The following GFRA1 variants were observed in gnomAD, a reference collection of about 807,000 sequenced individuals.
GFRA1 encodes GDNF family receptor alpha-1.
A neutral mutation model predicts 51.6 loss-of-function variants in GFRA1; 16 were observed. The ratio of observed to expected loss-of-function variants is 0.31; its 90% CI spans 0.21 to 0.47. The LOEUF (loss-of-function observed/expected upper bound fraction) is 0.47. GFRA1 is among the 20% of genes least tolerant of loss of function. GFRA1 has a pLI of 1.00. For missense variants in GFRA1, 530 were observed against 594.3 expected (o/e 0.89, Z 1.13); for synonymous variants, 270 against 241.3 (o/e 1.12, Z -1.10).
intron 3 of GFRA1, among the ~76,000 whole-genome samples, chr10:116,270,343 G>A (rs756901778): frequency 2.0e-5 from 3 of 152,168 alleles, no homozygotes; most frequent in Non-Finnish European, 4.4e-5. Flanking sequence ...GGTGGGGAGG[G>A]TGAAGATACA....
In GFRA1 at chr10:116,062,118, G is replaced by A. The variant is rs775489932; in HGVS notation, c.*2280C>T. On this transcript the variant is annotated 3_prime_UTR_variant, in exon 11 of 11. Coordinates refer to ENST00000355422, the MANE Select transcript of GFRA1 (RefSeq NM_005264.8). ...AATGAAGGCTGCCCTTGTTAGCGCT[G>A]AAACTCCCATTTCCGCTTTGGTCAT... 1 of 398,558 alleles carries A rather than the reference G, an allele frequency of 2.5e-6. No homozygotes were observed. Among genetic ancestry groups the A allele is most frequent in the Non-Finnish European group, 4.4e-6 (1 of 226,036 alleles). 24.7% of individuals were successfully genotyped at this position (398,558 alleles called of 1,614,324 possible).
chr10:116,166,230 G>A lies in GFRA1; in HGVS notation c.434-40673C>T, dbSNP rs536910462. On this transcript the variant is annotated intron_variant, in intron 5 of 10. Coordinates refer to ENST00000355422, the MANE Select transcript of GFRA1 (RefSeq NM_005264.8). ...GCATTTGGGTTGATCCCATGTCTTTGCTATTGTGGGTAGTGTTGCAATGAA... is the reference window on the plus strand; with the variant it reads ...GCATTTGGGTTGATCCCATGTCTTTACTATTGTGGGTAGTGTTGCAATGAA... Among the ~76,000 whole-genome samples, 26 of 152,320 alleles carry A rather than the reference G, an allele frequency of 1.7e-4. No individual in the cohort carries two copies. The South Asian group carries it at 5.2e-3, about 30-fold the overall frequency.
chr10:116,154,048 C>T (rs931766606), intron 5 of GFRA1, among the ~76,000 whole-genome samples: 26 of 152,168 alleles, frequency 1.7e-4, no homozygotes, highest in African/African-American at 5.8e-4. Flanking sequence ...AGTGAGATAC[C>T]ACTACACACC....
At chr10:116,181,144 C>T (rs1962178192) in intron 5 of GFRA1, among the ~76,000 whole-genome samples, 1 of 152,160 alleles carries the variant, frequency 6.6e-6, no homozygotes, top group South Asian at 2.1e-4. Context: ...TATTCTTATG[C>T]CTATAGGTAT....
chr10:116,086,904 G>A (rs772657244), intron 9 of GFRA1, among the ~76,000 whole-genome samples: 26 of 152,142 alleles, frequency 1.7e-4, no homozygotes, highest in African/African-American at 3.9e-4. Context: ...TGCAACCTCC[G>A]CCTCCAGGGT....
At chr10:116,175,528 G>A (rs952176176) in intron 5 of GFRA1, among the ~76,000 whole-genome samples, 2 of 152,130 alleles carry the variant, frequency 1.3e-5, no homozygotes, top group Non-Finnish European at 2.9e-5. Context: ...TACAATCCTC[G>A]CCTGGGAACC....
Position 116,270,967 on chromosome 10 carries a change from T to G in GFRA1, c.189A>C (p.Ala63=). Residue 63 remains alanine (A), a synonymous_variant, in exon 3 of 11, where the codon GCA becomes GCC. Transcript: ENST00000355422. ...ACTCATCCTTGGCCTCCAGGCCGGA[T>G]GCCAGGCTGAAGTTGGTCTCCTTGC... ...VAGKETNFSL[A]SGLEAKDECR... 2 of 1,614,230 alleles carry G rather than the reference T, an allele frequency of 1.2e-6. No homozygotes were observed. The highest frequency in any genetic ancestry group is 1.7e-5 in the Admixed American group (1 of 60,038).
chr10:116,120,037 T>C (rs1384985014), intron 6 of GFRA1, among the ~76,000 whole-genome samples: 2 of 152,200 alleles, frequency 1.3e-5, no homozygotes, highest in Non-Finnish European at 2.9e-5. Context: ...GCCTCCAAGA[T>C]ACAATGATAG....
intron 5 of GFRA1, among the ~76,000 whole-genome samples, chr10:116,180,604 T>C (rs1166975458): frequency 6.6e-6 from 1 of 152,214 alleles, no homozygotes; most frequent in Non-Finnish European, 1.5e-5. Context: ...CTACAACTAA[T>C]TATCCTATCC....
At chr10:116,122,150 A>T (rs184904301) in intron 6 of GFRA1, among the ~76,000 whole-genome samples, 3 of 152,220 alleles carry the variant, frequency 2.0e-5, no homozygotes, top group East Asian at 3.9e-4. Flanking sequence ...CATCAATCAC[A>T]CTGAGACAAA....
intron 5 of GFRA1, among the ~76,000 whole-genome samples, chr10:116,137,220 G>A (rs1958365682): frequency 6.6e-6 from 1 of 151,978 alleles, no homozygotes; most frequent in Non-Finnish European, 1.5e-5. Flanking sequence ...ATAGAGAGAA[G>A]GAAAAGCATA....
chr10:116,209,512 C>T (rs534401409), intron 5 of GFRA1, among the ~76,000 whole-genome samples: 1 of 152,176 alleles, frequency 6.6e-6, no homozygotes, highest in South Asian at 2.1e-4. Flanking sequence ...ATGCCCATGG[C>T]GTGTCCAGGA....
At chr10:116,221,349 G>A (rs906795459) in intron 4 of GFRA1, among the ~76,000 whole-genome samples, 5 of 152,194 alleles carry the variant, frequency 3.3e-5, no homozygotes, top group African/African-American at 7.2e-5. Context: ...ATTGATAGAC[G>A]TGTGGAAGGA....
At chr10:116,208,373 C>A (rs1428753457) in intron 5 of GFRA1, among the ~76,000 whole-genome samples, 2 of 152,122 alleles carry the variant, frequency 1.3e-5, no homozygotes, top group Non-Finnish European at 2.9e-5. Flanking sequence ...TCCACGAAAA[C>A]AGGACCCTTT....
chr10:116,112,319 G>T (rs2133971576), intron 6 of GFRA1, among the ~76,000 whole-genome samples: 1 of 152,306 alleles, frequency 6.6e-6, no homozygotes, highest in South Asian at 2.1e-4. Context: ...ACTGCTGGGT[G>T]CTTCCCGGGA....
intron 4 of GFRA1, among the ~76,000 whole-genome samples, chr10:116,265,289 T>C (rs905563172): frequency 4.6e-5 from 7 of 150,966 alleles, no homozygotes; most frequent in Non-Finnish European, 8.9e-5. Flanking sequence ...AACCTAACAT[T>C]ACTCTTTCCC....
At chr10:116,267,158 A>T (rs1048699133) in intron 4 of GFRA1, among the ~76,000 whole-genome samples, 6 of 152,134 alleles carry the variant, frequency 3.9e-5, no homozygotes, top group Non-Finnish European at 5.9e-5. Context: ...AAAAGTTTTT[A>T]AAAAAATAAT....
chr10:116,083,239 G>A (rs571865551), intron 9 of GFRA1, among the ~76,000 whole-genome samples: 2 of 152,326 alleles, frequency 1.3e-5, no homozygotes, highest in East Asian at 3.9e-4. Flanking sequence ...TTGGAGGGGT[G>A]GGGTAAGGAC....
At chr10:116,083,577 G>GAAC (rs1955952554) in intron 9 of GFRA1, among the ~76,000 whole-genome samples, 1 of 152,232 alleles carries the variant, frequency 6.6e-6, no homozygotes, top group South Asian at 2.1e-4. Flanking sequence ...ATGATTTACA[G>GAAC]AACACCCATT....
Sources: gnomAD v4.1 joint callset for allele counts (sites outside exome capture counted in the v4.1 genomes callset) on GRCh38, gnomAD v4.1.1 for gene constraint, MANE v1.5 for transcripts, NCBI Gene and HGNC (gene_info 2026-07-23, HGNC 2026-07-21) for gene names.